ADAM12: variants seen among roughly 807,000 people sequenced by gnomAD.
The protein encoded by ADAM12 is ADAM metallopeptidase domain 12, also known as disintegrin and metalloproteinase domain-containing protein 12.
In ADAM12, 70 loss-of-function variants were observed where a neutral mutation model predicts 106.4. The ratio of observed to expected loss-of-function variants is 0.66; its 90% CI spans 0.54 to 0.80. ADAM12 has a LOEUF of 0.80. Among genes scored for constraint, ADAM12 ranks in the 30% least tolerant of loss-of-function variants. ADAM12 has a pLI of 0.00. For synonymous variants in ADAM12, 420 were observed against 433.5 expected (o/e 0.97, Z 0.39); for missense variants, 1,010 against 1,171.9 (o/e 0.86, Z 2.02).
intron 8 of ADAM12, among the ~76,000 whole-genome samples, chr10:126,105,289 C>G (rs896098644): frequency 6.6e-6 from 1 of 152,214 alleles, no homozygotes; most frequent in African/African-American, 2.4e-5. Context: ...AATACAAACA[C>G]AGAGGACCCA....
intron 20 of ADAM12, 143 bp downstream of exon 20, chr10:126,038,098 C>G (rs770619453): frequency 9.9e-6 from 8 of 811,480 alleles, no homozygotes; most frequent in Non-Finnish European, 1.6e-5. Flanking sequence ...CACAGAGACC[C>G]TCCCTCAGAG....
chr10:126,186,755 G>A (rs746993568), intron 3 of ADAM12, among the ~76,000 whole-genome samples: 2 of 152,156 alleles, frequency 1.3e-5, no homozygotes, highest in African/African-American at 4.8e-5. Context: ...AGAGGTGGCC[G>A]GGGCTGGAAG....
Position 126,090,645 on chromosome 10 carries a change from T to G in ADAM12, c.1145+3340A>C, listed in dbSNP as rs1242131227. On this transcript the variant is annotated intron_variant, in intron 11 of 22. Coordinates refer to ENST00000448723, the MANE Select transcript of ADAM12 (RefSeq NM_001288973.2). ...CACACTCTTACACACACTTAAAGCC[T>G]TGCAGTAATTAATGATACAATCCAT... 2.0e-5 allele frequency: 3 copies of G among 152,182 alleles called. No homozygotes were observed. The East Asian group carries it at 5.8e-4, about 29-fold the overall frequency. The allele number at this position is 152,182 out of a possible 1,614,324, so 9.4% of individuals were successfully genotyped here. A position where few individuals can be genotyped will look rare whatever the true frequency, so the allele number is the denominator to read the frequency against.
Position 126,245,846 on chromosome 10 carries a change from G to A in ADAM12, c.260+33069C>T, listed in dbSNP as rs1044187191. Among the ~76,000 whole-genome samples the A allele has an allele frequency of 4.6e-5, 7 of 152,170 alleles. No homozygotes were observed. The East Asian group carries it at 5.8e-4, about 13-fold the overall frequency. On this transcript the variant is annotated intron_variant, in intron 3 of 22. Coordinates refer to ENST00000448723, the MANE Select transcript of ADAM12 (RefSeq NM_001288973.2). ...TGGGTTGTCTGAAAGCAAAGGTCAC[G>A]GAGAGGATGGGGTGACAGGAGAGAG...
At chr10:126,161,572 G>A (rs184720802) in intron 3 of ADAM12, among the ~76,000 whole-genome samples, 2 of 152,230 alleles carry the variant, frequency 1.3e-5, no homozygotes, top group African/African-American at 4.8e-5. Context: ...TGAGGAGCAT[G>A]CGGCAGGCAC....
chr10:126,319,708 C>A lies in ADAM12; in HGVS notation c.186+10704G>T, dbSNP rs143530988. On this transcript the variant is annotated intron_variant, in intron 2 of 22. Transcript: ENST00000448723. ...CAGAATAAGGTACGGACATTAGCTCCTAATAATCCACTGATAAGGGCTTGT... is the reference window on the plus strand; with the variant it reads ...CAGAATAAGGTACGGACATTAGCTCATAATAATCCACTGATAAGGGCTTGT... Among the ~76,000 whole-genome samples, 105 of 152,240 alleles carry A rather than the reference C, an allele frequency of 6.9e-4. 1 individual carries two copies. In the East Asian group the frequency reaches 0.014, roughly 21 times the overall value.
chr10:126,082,366 T>TTTTG (rs1554966450), intron 11 of ADAM12, among the ~76,000 whole-genome samples: 1 of 137,852 alleles, frequency 7.3e-6, no homozygotes, highest in African/African-American at 2.7e-5. Flanking sequence ...AATGACTGTT[T>TTTTG]TTTTTTTTTT....
At chr10:126,335,041 G>A (rs1040272228) in intron 1 of ADAM12, among the ~76,000 whole-genome samples, 3 of 152,190 alleles carry the variant, frequency 2.0e-5, no homozygotes, top group African/African-American at 4.8e-5. Context: ...AAGCGCTTTC[G>A]AAAAGCTTAA....
At chr10:126,019,607 C>T (rs1252932153) in intron 22 of ADAM12, 88 bp downstream of exon 22, 9 of 1,532,888 alleles carry the variant, frequency 5.9e-6, no homozygotes, top group Non-Finnish European at 8.0e-6. Context: ...GCCTAGACCA[C>T]TGCACCCCTG....
intron 2 of ADAM12, among the ~76,000 whole-genome samples, chr10:126,319,915 C>T (rs1357738423): frequency 6.6e-6 from 1 of 152,106 alleles, no homozygotes; most frequent in African/African-American, 2.4e-5. Context: ...CTTCCTTGCC[C>T]CAAATCTCTA....
intron 20 of ADAM12, 138 bp from the exon 21 acceptor site, chr10:126,036,463 C>T (rs1258494208): frequency 7.8e-6 from 6 of 773,042 alleles, no homozygotes; most frequent in Non-Finnish European, 1.2e-5. Flanking sequence ...AGGATGTACA[C>T]AAGAGGGGAA....
intron 9 of ADAM12, among the ~76,000 whole-genome samples, chr10:126,100,819 G>A (rs1955649906): frequency 6.6e-6 from 1 of 152,160 alleles, no homozygotes; most frequent in Non-Finnish European, 1.5e-5. Flanking sequence ...AAATGTCCGG[G>A]TTCTAGAAGA....
Position 126,155,260 on chromosome 10 carries a change from G to A in ADAM12, c.306C>T (p.Asp102=), listed in dbSNP as rs370718727. The change falls in exon 4 of 23, where the codon GAC becomes GAT. Residue 102 remains aspartate (D), a synonymous_variant. Coordinates refer to ENST00000448723, the MANE Select transcript of ADAM12 (RefSeq NM_001288973.2). ...SSFTETHYLQ[D]GTDVSLARNY... is the part of the protein sequence containing the mutation. ...TTCGAGCGAGGGAGACATCAGTACC[G>A]TCTTGCAGATAGTGGGTTTCCGTGA... is the stretch of plus-strand genomic sequence containing the variant. 3.2e-5 allele frequency: 52 copies of A among 1,614,004 alleles called. No individual in the cohort carries two copies. The highest frequency in any genetic ancestry group is 2.3e-4 in the Admixed American group (14 of 60,004).
intron 3 of ADAM12, among the ~76,000 whole-genome samples, chr10:126,214,291 C>G (rs1957949185): frequency 6.6e-6 from 1 of 152,196 alleles, no homozygotes; most frequent in South Asian, 2.1e-4. Flanking sequence ...GTGAGTTAGT[C>G]AAGTCCCTCC....
At chr10:126,208,824 C>A (rs1283339401) in intron 3 of ADAM12, among the ~76,000 whole-genome samples, 1 of 150,878 alleles carries the variant, frequency 6.6e-6, no homozygotes, top group African/African-American at 2.4e-5. Context: ...AACTCTTACA[C>A]TGCGGGATAG....
chr10:126,368,585 G>A (rs559693393), intron 1 of ADAM12, among the ~76,000 whole-genome samples: 1 of 151,884 alleles, frequency 6.6e-6, no homozygotes, highest in Admixed American at 6.6e-5. Flanking sequence ...CAAGTTCAAT[G>A]TAAGAAAGCA....
chr10:126,179,957 T>C (rs1036715469), intron 3 of ADAM12, among the ~76,000 whole-genome samples: 2 of 152,184 alleles, frequency 1.3e-5, no homozygotes, highest in African/African-American at 4.8e-5. Flanking sequence ...AAAGAAGGTC[T>C]TTCCCAATTT....
chr10:126,306,942 C>A (rs1960871116), intron 2 of ADAM12, among the ~76,000 whole-genome samples: 1 of 152,180 alleles, frequency 6.6e-6, no homozygotes, highest in African/African-American at 2.4e-5. Context: ...TCTCCTTAGA[C>A]ATTGCTTCTT....
intron 2 of ADAM12, among the ~76,000 whole-genome samples, chr10:126,322,186 T>C (rs1854124176): frequency 6.6e-6 from 1 of 152,232 alleles, no homozygotes. Flanking sequence ...CCATGCTCAT[T>C]CATTTATGTA....
Sources: allele counts gnomAD v4.1 joint callset (sites outside exome capture counted in the v4.1 genomes callset), GRCh38; gene constraint gnomAD v4.1.1; transcripts MANE v1.5; gene names NCBI Gene and HGNC (gene_info 2026-07-23, HGNC 2026-07-21).